The following PACS1 variants were observed in gnomAD, a reference collection of about 807,000 sequenced individuals.
The protein encoded by PACS1 is PACS-1.
In PACS1, 24 loss-of-function variants were observed where a neutral mutation model predicts 115.0. That is an observed-to-expected ratio of 0.21 (90% CI 0.15 to 0.29). The LOEUF (loss-of-function observed/expected upper bound fraction) is 0.29. Among genes scored for constraint, PACS1 ranks in the 10% least tolerant of loss-of-function variants. The pLI is 1.00. For synonymous variants in PACS1, 453 were observed against 504.5 expected (o/e 0.90, Z 1.37); for missense variants, 838 against 1,251.2 (o/e 0.67, Z 4.98).
intron 2 of PACS1, among the ~76,000 whole-genome samples, chr11:66,193,971 T>C (rs1342124371): frequency 6.6e-6 from 1 of 152,140 alleles, no homozygotes; most frequent in Admixed American, 6.6e-5. Context: ...GGTTTTCTTT[T>C]ATTTTCTTTT....
chr11:66,241,146 T>A (rs1244171300), intron 21 of PACS1: 2 of 410,136 alleles, frequency 4.9e-6, no homozygotes, highest in Non-Finnish European at 4.5e-6. Flanking sequence ...ACACACACTT[T>A]CTTCCTTCAT....
chr11:66,147,985 T>G (rs753471417), intron 1 of PACS1, among the ~76,000 whole-genome samples: 11 of 151,622 alleles, frequency 7.3e-5, no homozygotes, highest in Non-Finnish European at 1.5e-4. Context: ...CCACAAAAAT[T>G]AAAAATAAAT....
At chr11:66,165,387 T>C (rs943698070) in intron 1 of PACS1, among the ~76,000 whole-genome samples, 50 of 152,322 alleles carry the variant, frequency 3.3e-4, no homozygotes, top group African/African-American at 1.1e-3. Flanking sequence ...TTCTCTTTTC[T>C]ACCTGAACTC....
intron 1 of PACS1, among the ~76,000 whole-genome samples, chr11:66,136,471 A>G (rs1476284017): frequency 2.0e-5 from 3 of 151,498 alleles, no homozygotes; most frequent in Admixed American, 2.0e-4. Context: ...AAAAGCTAGG[A>G]GTGATGAGCA....
At position 66,230,410 on chromosome 11, in the gene PACS1, T is replaced by C; in HGVS notation, c.1375-138T>C. 4.6e-6 allele frequency: 3 copies of C among 656,948 alleles called. No individual in the cohort carries two copies. The East Asian group carries it at 8.1e-5, about 18-fold the overall frequency. 40.7% of individuals were successfully genotyped at this position (656,948 alleles called of 1,614,324 possible). On this transcript the variant is annotated intron_variant, in intron 11 of 23. Coordinates refer to ENST00000320580, the MANE Select transcript of PACS1 (RefSeq NM_018026.4). Reference sequence around the variant, plus strand: ...TTTCCTTCGGCTGAGGCAGGAGCTTTAGGACCACTTGCTTTCAGGAAAAGA... The same window carrying C: ...TTTCCTTCGGCTGAGGCAGGAGCTTCAGGACCACTTGCTTTCAGGAAAAGA...
At chr11:66,123,514 T>A (rs1232603388) in intron 1 of PACS1, among the ~76,000 whole-genome samples, 2 of 150,618 alleles carry the variant, frequency 1.3e-5, no homozygotes, top group Non-Finnish European at 1.5e-5. Context: ...TTTATTTTTT[T>A]ATTTTATTTA....
At chr11:66,220,967 T>TCAGGA (rs1855330344) in intron 9 of PACS1, among the ~76,000 whole-genome samples, 176 bp downstream of exon 9, 1 of 152,124 alleles carries the variant, frequency 6.6e-6, no homozygotes, top group Non-Finnish European at 1.5e-5. Flanking sequence ...AGAAGTCCTA[T>TCAGGA]AGGACTCTCA....
At chr11:66,216,922 A>C in intron 7 of PACS1, 147 bp downstream of exon 7, 1 of 618,104 alleles carries the variant, frequency 1.6e-6, no homozygotes, top group Non-Finnish European at 2.9e-6. Context: ...CTATATCCTC[A>C]CCACCGCCCA....
chr11:66,140,866 G>GA (rs1858963966), intron 1 of PACS1, among the ~76,000 whole-genome samples: 1 of 151,928 alleles, frequency 6.6e-6, no homozygotes, highest in South Asian at 2.1e-4. Context: ...GTTTTTTCAT[G>GA]AAAAAATTAA....
At chr11:66,174,844 T>C (rs1859816754) in intron 1 of PACS1, among the ~76,000 whole-genome samples, 1 of 152,100 alleles carries the variant, frequency 6.6e-6, no homozygotes, top group Non-Finnish European at 1.5e-5. Flanking sequence ...AGCATTGAAT[T>C]GTACGTTTAA....
At chr11:66,173,321 A>G (rs1859782722) in intron 1 of PACS1, among the ~76,000 whole-genome samples, 1 of 152,132 alleles carries the variant, frequency 6.6e-6, no homozygotes, top group Non-Finnish European at 1.5e-5. Context: ...TTCTTTCAGC[A>G]TATTGAAGAC....
intron 1 of PACS1, among the ~76,000 whole-genome samples, chr11:66,177,294 G>A (rs766184463): frequency 6.6e-6 from 1 of 152,084 alleles, no homozygotes; most frequent in Non-Finnish European, 1.5e-5. Flanking sequence ...CCGGGTTCAA[G>A]CGATTCTCCT....
intron 1 of PACS1, among the ~76,000 whole-genome samples, chr11:66,175,066 G>A (rs772501856): frequency 1.3e-5 from 2 of 151,932 alleles, no homozygotes; most frequent in Non-Finnish European, 2.9e-5. Context: ...CAGGGTAATC[G>A]CTTGAACCCA....
intron 1 of PACS1, among the ~76,000 whole-genome samples, chr11:66,073,930 T>C (rs1045043692): frequency 6.7e-6 from 1 of 149,822 alleles, no homozygotes; most frequent in East Asian, 2.0e-4. Context: ...TTTTTTTTTT[T>C]TTTTTTTTTT....
At chr11:66,182,427 G>A (rs1293211788) in intron 1 of PACS1, among the ~76,000 whole-genome samples, 1 of 151,662 alleles carries the variant, frequency 6.6e-6, no homozygotes, top group African/African-American at 2.4e-5. Context: ...GGATGAAATT[G>A]CCCCATTCAA....
intron 1 of PACS1, among the ~76,000 whole-genome samples, chr11:66,093,642 T>C (rs1151529): frequency 0.95 from 128,565 of 135,070 alleles, 61,073 homozygotes; most frequent in Middle Eastern, 0.99. Context: ...ATCAACAAGA[T>C]AGAAAGTTAA....
intron 4 of PACS1, among the ~76,000 whole-genome samples, chr11:66,212,943 G>A (rs554694410): frequency 9.6e-4 from 146 of 152,222 alleles, no homozygotes; most frequent in African/African-American, 3.2e-3. Flanking sequence ...TCTACCTCCC[G>A]GGTTCCAGCA....
At chr11:66,072,289 G>T (rs1050135506) in intron 1 of PACS1, among the ~76,000 whole-genome samples, 1 of 152,016 alleles carries the variant, frequency 6.6e-6, no homozygotes, top group Non-Finnish European at 1.5e-5. Flanking sequence ...TGAATATACC[G>T]TAATTCTCTT....
At chr11:66,211,616 G>A (rs1855071271) in intron 4 of PACS1, among the ~76,000 whole-genome samples, 2 of 152,182 alleles carry the variant, frequency 1.3e-5, no homozygotes, top group South Asian at 2.1e-4. Flanking sequence ...ATATTGATAG[G>A]TATTATTTTC....
Sources: gnomAD v4.1 joint callset for allele counts (sites outside exome capture counted in the v4.1 genomes callset) on GRCh38, gnomAD v4.1.1 for gene constraint, MANE v1.5 for transcripts, NCBI Gene and HGNC (gene_info 2026-07-23, HGNC 2026-07-21) for gene names.